RARRES1: variants seen among roughly 807,000 people sequenced by gnomAD.
The protein encoded by RARRES1 is retinoic acid receptor responder protein 1.
RARRES1 carries 34 observed loss-of-function variants against 30.6 expected under a neutral mutation model. That is an observed-to-expected ratio of 1.11 (90% CI 0.84 to 1.48). The LOEUF is 1.48. Among genes scored for constraint, RARRES1 ranks in the 40% most tolerant of loss-of-function variants. The pLI is 0.00. For missense variants in RARRES1, 373 were observed against 386.5 expected (o/e 0.97, Z 0.29); for synonymous variants, 153 against 155.5 (o/e 0.98, Z 0.12).
intron 1 of RARRES1, 30 bp downstream of exon 1, chr3:158,732,110 G>A: frequency 1.5e-6 from 2 of 1,313,796 alleles, no homozygotes; most frequent in South Asian, 2.2e-5. Flanking sequence ...ACAGGCAGGC[G>A]CGTGCCCCGG....
At chr3:158,716,733 G>A (rs1324495038) in intron 1 of RARRES1, among the ~76,000 whole-genome samples, 1 of 151,968 alleles carries the variant, frequency 6.6e-6, no homozygotes, top group African/African-American at 2.4e-5. Flanking sequence ...ACAGGTGCAC[G>A]CTGCCACACC....
At chr3:158,715,592 G>T (rs1463304248) in intron 1 of RARRES1, among the ~76,000 whole-genome samples, 2 of 152,180 alleles carry the variant, frequency 1.3e-5, no homozygotes, top group African/African-American at 4.8e-5. Context: ...CAGGGTTTAG[G>T]ACAGTGCCTG....
At chr3:158,716,751 T>G (rs1330984758) in intron 1 of RARRES1, among the ~76,000 whole-genome samples, 4 of 152,084 alleles carry the variant, frequency 2.6e-5, no homozygotes, top group Non-Finnish European at 5.9e-5. Context: ...ACCTGGCTAA[T>G]TTTTTGTATT....
intron 1 of RARRES1, among the ~76,000 whole-genome samples, chr3:158,719,351 A>C (rs905668433): frequency 2.1e-5 from 3 of 145,278 alleles, no homozygotes; most frequent in Middle Eastern, 3.7e-3. Context: ...AGCTCACTGC[A>C]CCCTCCACCT....
intron 4 of RARRES1, among the ~76,000 whole-genome samples, chr3:158,701,198 G>T (rs1726710548): frequency 6.6e-6 from 1 of 152,130 alleles, no homozygotes; most frequent in South Asian, 2.1e-4. Flanking sequence ...TCATATTAAA[G>T]GCTAAAGGTA....
At chr3:158,711,332 C>G (rs1727129577) in intron 2 of RARRES1, among the ~76,000 whole-genome samples, 1 of 152,134 alleles carries the variant, frequency 6.6e-6, no homozygotes, top group Non-Finnish European at 1.5e-5. Flanking sequence ...ACAAAAATAA[C>G]AACAGCATCT....
At position 158,710,909 on chromosome 3, in the gene RARRES1, G is replaced by A. The variant is rs771818017; in HGVS notation, c.364C>T (p.Arg122Cys). Reference sequence around the variant, plus strand: ...ACTCGAGCAGAACATTTCCCCAAACGTCCCTCACCTTCCTGAAGTAAAGAC... The same window carrying A: ...ACTCGAGCAGAACATTTCCCCAAACATCCCTCACCTTCCTGAAGTAAAGAC... ...PESLLQEGEG[R>C]LGKCSARVFF... is the part of the protein sequence containing the mutation. The change falls in exon 3 of 6, where the codon CGT (arginine) becomes TGT (cysteine). Residue 122 changes from arginine (R) to cysteine (C), a missense_variant. Arg to Cys is a radical substitution (Grantham distance 180). Coordinates refer to ENST00000237696, the MANE Select transcript of RARRES1 (RefSeq NM_206963.2). 1.2e-5 allele frequency: 19 copies of A among 1,613,556 alleles called. No individual in the cohort carries two copies. Among genetic ancestry groups the A allele is most frequent in the African/African-American group, 4.0e-5 (3 of 74,778 alleles).
chr3:158,699,931 TTATC>T (rs1726671428), intron 4 of RARRES1, among the ~76,000 whole-genome samples: 1 of 152,192 alleles, frequency 6.6e-6, no homozygotes, highest in Non-Finnish European at 1.5e-5. Context: ...AAGGACATGA[TTATC>T]TATCCCAAGA....
At chr3:158,727,862 TC>T (rs1375460618) in intron 1 of RARRES1, among the ~76,000 whole-genome samples, 1 of 151,988 alleles carries the variant, frequency 6.6e-6, no homozygotes, top group Non-Finnish European at 1.5e-5. Flanking sequence ...AAACAACACT[TC>T]CTCCACTCCA....
At chr3:158,716,051 C>A (rs73015629) in intron 1 of RARRES1, among the ~76,000 whole-genome samples, 24,686 of 152,196 alleles carry the variant, frequency 0.16, 2,085 homozygotes, top group Middle Eastern at 0.23. Context: ...TGGGAGTCTG[C>A]CTGTCCTGTT....
chr3:158,699,074 G>A (rs1726640812), intron 4 of RARRES1, among the ~76,000 whole-genome samples: 1 of 152,154 alleles, frequency 6.6e-6, no homozygotes, highest in Admixed American at 6.5e-5. Context: ...CTGTCCAAGT[G>A]TCTTGAAACA....
chr3:158,730,366 TCC>T (rs1559876975), intron 1 of RARRES1, among the ~76,000 whole-genome samples: 6 of 5,120 alleles, frequency 1.2e-3, no homozygotes, highest in Admixed American at 3.4e-3. Context: ...AATAGGTTGC[TCC>T]TTCCTTCCTT....
intron 1 of RARRES1, among the ~76,000 whole-genome samples, chr3:158,725,122 C>T (rs1044345709): frequency 5.3e-5 from 8 of 152,110 alleles, no homozygotes; most frequent in Admixed American, 3.3e-4. Context: ...ACATGCCCGG[C>T]GAAGATTTCC....
intron 4 of RARRES1, among the ~76,000 whole-genome samples, chr3:158,702,580 C>G (rs7610009): frequency 2.0e-5 from 3 of 152,066 alleles, no homozygotes; most frequent in Non-Finnish European, 4.4e-5. Flanking sequence ...ATGTGTTGCT[C>G]TATTCCTATT....
intron 3 of RARRES1, chr3:158,705,735 A>G (rs1237569224): frequency 6.6e-6 from 1 of 152,228 alleles, no homozygotes; most frequent in Non-Finnish European, 1.5e-5. Flanking sequence ...GTGCTTCTCT[A>G]ATCATTGGCT....
In RARRES1 at chr3:158,704,883, A is replaced by C. The variant is rs1726863566; in HGVS notation, c.580T>G (p.Leu194Val). ...IDPSLRLIWD[L>V]AFLGSSYVMW... Reference sequence around the variant, plus strand: ...ACGTAAGAGCTTCCAAGGAAAGCCAAATCCCAGATGAGTCTCAGAGAGGGA... The same window carrying C: ...ACGTAAGAGCTTCCAAGGAAAGCCACATCCCAGATGAGTCTCAGAGAGGGA... The change falls in exon 4 of 6, where the codon TTG becomes GTG. Residue 194 changes from leucine (L) to valine (V), a missense_variant. Physicochemically the swap from Leu to Val is conservative, Grantham distance 32. Transcript: ENST00000237696. The C allele has an allele frequency of 1.9e-6, 3 of 1,613,896 alleles. No homozygotes were observed. Among genetic ancestry groups the C allele is most frequent in the Non-Finnish European group, 2.5e-6 (3 of 1,180,016 alleles).
chr3:158,703,772 G>A (rs1726813160), intron 4 of RARRES1, among the ~76,000 whole-genome samples: 1 of 152,180 alleles, frequency 6.6e-6, no homozygotes, highest in Non-Finnish European at 1.5e-5. Flanking sequence ...AGTCAGAAGT[G>A]TTCCATGATC....
intron 1 of RARRES1, among the ~76,000 whole-genome samples, chr3:158,716,941 G>T (rs1251181647): frequency 6.6e-6 from 1 of 152,164 alleles, no homozygotes; most frequent in Non-Finnish European, 1.5e-5. Context: ...TATATTTTTG[G>T]TTGTACTTTA....
intron 1 of RARRES1, among the ~76,000 whole-genome samples, chr3:158,726,169 GC>G (rs1727676683): frequency 1.3e-5 from 2 of 152,054 alleles, no homozygotes; most frequent in Admixed American, 1.3e-4. Flanking sequence ...GTTCATTGCA[GC>G]CTTTTTAATT....
Sources: gnomAD v4.1 joint callset for allele counts (sites outside exome capture counted in the v4.1 genomes callset) on GRCh38, gnomAD v4.1.1 for gene constraint, MANE v1.5 for transcripts, NCBI Gene and HGNC (gene_info 2026-07-23, HGNC 2026-07-21) for gene names.